The following CACNA2D1 variants were observed in gnomAD, a reference collection of about 807,000 sequenced individuals.
CACNA2D1 encodes the protein voltage-dependent calcium channel subunit alpha-2/delta-1.
CACNA2D1 carries 53 observed loss-of-function variants against 171.5 expected under a neutral mutation model. That is an observed-to-expected ratio of 0.31 (90% CI 0.25 to 0.39). The LOEUF is 0.39. Ranked by LOEUF, CACNA2D1 falls within the 10% of genes least tolerant of loss-of-function variation. CACNA2D1 has a pLI of 1.00. For missense variants in CACNA2D1, 903 were observed against 1,299.8 expected (o/e 0.69, Z 4.69); for synonymous variants, 442 against 443.1 (o/e 1.00, Z 0.03).
intron 24 of CACNA2D1, among the ~76,000 whole-genome samples, chr7:81,975,197 A>G (rs1407730581): frequency 6.6e-6 from 1 of 152,148 alleles, no homozygotes; most frequent in Non-Finnish European, 1.5e-5. Flanking sequence ...AGTAAAAGGT[A>G]TATAGGTTCT....
At chr7:82,123,328 G>A (rs922810676) in intron 5 of CACNA2D1, among the ~76,000 whole-genome samples, 4 of 152,146 alleles carry the variant, frequency 2.6e-5, no homozygotes, top group African/African-American at 9.7e-5. Flanking sequence ...TACTGGATCA[G>A]ATCAGCAGAA....
At chr7:82,195,049 T>C (rs1298996870) in intron 3 of CACNA2D1, among the ~76,000 whole-genome samples, 3 of 152,078 alleles carry the variant, frequency 2.0e-5, no homozygotes, top group South Asian at 2.1e-4. Context: ...TAGTGACATA[T>C]ACTTAAAGTA....
At chr7:82,012,592 T>A (rs1457909847) in intron 14 of CACNA2D1, among the ~76,000 whole-genome samples, 2 of 152,180 alleles carry the variant, frequency 1.3e-5, no homozygotes, top group East Asian at 3.8e-4. Flanking sequence ...TGTGATTTAC[T>A]GCGTGGAATT....
chr7:82,255,625 A>C (rs762875385), intron 3 of CACNA2D1, among the ~76,000 whole-genome samples: 1 of 152,212 alleles, frequency 6.6e-6, no homozygotes, highest in Non-Finnish European at 1.5e-5. Flanking sequence ...ATTGTTTTTG[A>C]GCCTGGAATT....
chr7:82,038,231 T>C lies in CACNA2D1; in HGVS notation c.884A>G (p.Asn295Ser). Residue 295 changes from asparagine to serine, a missense_variant, in exon 11 of 39, where the codon AAC becomes AGC. Around this residue, in one of 5 missense-constraint regions of CACNA2D1, gnomAD observed 623 missense variants for 925.5 expected, o/e 0.67. Transcript: ENST00000356860. Reference sequence around the variant, plus strand: ...ACAGCTTACATCCTGAGCATTGCTGTTAAACTGCAAAAGATTAAAAAGTAA... The same window carrying C: ...ACAGCTTACATCCTGAGCATTGCTGCTAAACTGCAAAAGATTAAAAAGTAA... ...DDDFVNVASF[N>S]SNAQDVSCFQ... is the part of the protein sequence containing the mutation. 1 of 1,612,016 alleles carries C rather than the reference T, an allele frequency of 6.2e-7. No homozygotes were observed. Among genetic ancestry groups the C allele is most frequent in the Non-Finnish European group, 8.5e-7 (1 of 1,178,686 alleles).
At chr7:82,265,379 C>A (rs1354065495) in intron 3 of CACNA2D1, among the ~76,000 whole-genome samples, 1 of 149,512 alleles carries the variant, frequency 6.7e-6, no homozygotes, top group African/African-American at 2.5e-5. Context: ...ATCTCTGGGG[C>A]CAAATCTAAT....
intron 11 of CACNA2D1, among the ~76,000 whole-genome samples, chr7:82,035,917 CAT>C (rs1028799033): frequency 6.6e-6 from 1 of 152,120 alleles, no homozygotes; most frequent in Non-Finnish European, 1.5e-5. Context: ...ATTTAACAAA[CAT>C]ATGCATCTCA....
intron 6 of CACNA2D1, among the ~76,000 whole-genome samples, chr7:82,092,001 C>A (rs1811230436): frequency 6.6e-6 from 1 of 152,180 alleles, no homozygotes. Flanking sequence ...TATTCCAGTT[C>A]TTTCCTCAGC....
intron 8 of CACNA2D1, 121 bp from the exon 9 acceptor site, chr7:82,064,475 A>G (rs1807357070): frequency 1.6e-6 from 1 of 645,062 alleles, no homozygotes; most frequent in South Asian, 1.9e-5. Flanking sequence ...ACCCACTTCT[A>G]TCTAAGTAGA....
intron 34 of CACNA2D1, among the ~76,000 whole-genome samples, chr7:81,963,346 G>GC (rs1562785325): frequency 6.6e-6 from 1 of 151,774 alleles, no homozygotes; most frequent in African/African-American, 2.4e-5. Context: ...ACAATACAGT[G>GC]TGATGATACA....
intron 24 of CACNA2D1, among the ~76,000 whole-genome samples, chr7:81,979,869 G>T (rs1796260406): frequency 6.6e-6 from 1 of 151,782 alleles, no homozygotes; most frequent in African/African-American, 2.4e-5. Flanking sequence ...TATTTATTCA[G>T]CACCTACTGT....
At chr7:82,065,067 T>C (rs1421406584) in intron 8 of CACNA2D1, among the ~76,000 whole-genome samples, 1 of 152,068 alleles carries the variant, frequency 6.6e-6, no homozygotes, top group Non-Finnish European at 1.5e-5. Context: ...GGCCACCGAC[T>C]GGAATGGGGC....
chr7:82,317,431 C>G (rs1815259350), intron 3 of CACNA2D1, among the ~76,000 whole-genome samples: 1 of 152,178 alleles, frequency 6.6e-6, no homozygotes, highest in Admixed American at 6.5e-5. Context: ...AGTCTTTAAA[C>G]TGTCCTCCTT....
At chr7:82,074,400 G>T (rs1487569636) in intron 7 of CACNA2D1, among the ~76,000 whole-genome samples, 3 of 151,938 alleles carry the variant, frequency 2.0e-5, no homozygotes, top group East Asian at 1.9e-4. Context: ...GCTAATTTTT[G>T]TATTTTTAGT....
intron 3 of CACNA2D1, among the ~76,000 whole-genome samples, chr7:82,213,930 C>G (rs1426572168): frequency 6.6e-6 from 1 of 152,146 alleles, no homozygotes; most frequent in Non-Finnish European, 1.5e-5. Context: ...TCTCACAGTT[C>G]TGGAGGCTGG....
intron 1 of CACNA2D1, among the ~76,000 whole-genome samples, chr7:82,383,349 A>C (rs1411896764): frequency 2.0e-5 from 3 of 152,204 alleles, no homozygotes; most frequent in African/African-American, 4.8e-5. Context: ...CTCTGAACTA[A>C]AAACTGCTTG....
intron 1 of CACNA2D1, among the ~76,000 whole-genome samples, chr7:82,381,144 C>T (rs897364953): frequency 1.3e-5 from 2 of 152,002 alleles, no homozygotes; most frequent in African/African-American, 2.4e-5. Context: ...AACCCCATCT[C>T]TACTAAAAAT....
intron 21 of CACNA2D1, among the ~76,000 whole-genome samples, chr7:81,985,384 A>T (rs2130676990): frequency 6.6e-6 from 1 of 152,024 alleles, no homozygotes; most frequent in South Asian, 2.1e-4. Context: ...GTATTTTAGT[A>T]GAGACAGGGT....
chr7:81,979,081 C>T (rs1263123596), intron 24 of CACNA2D1, among the ~76,000 whole-genome samples: 1 of 151,882 alleles, frequency 6.6e-6, no homozygotes, highest in Non-Finnish European at 1.5e-5. Context: ...CAAATGGTCA[C>T]GTATTGTATT....
Sources: gnomAD v4.1 joint callset for allele counts (sites outside exome capture counted in the v4.1 genomes callset) on GRCh38, gnomAD v4.1.1 for gene constraint, gnomAD v4.1.1 regional missense constraint, MANE v1.5 for transcripts, NCBI Gene and HGNC (gene_info 2026-07-23, HGNC 2026-07-21) for gene names.